The following MYOM2 variants were observed in gnomAD, a reference collection of about 807,000 sequenced individuals.
MYOM2 encodes myomesin-2.
MYOM2 carries 254 observed loss-of-function variants against 187.6 expected under a neutral mutation model. The ratio of observed to expected loss-of-function variants is 1.35; its 90% CI spans 1.22 to 1.50. The LOEUF is 1.50. Ranked by LOEUF, MYOM2 falls within the 40% of genes most tolerant of loss-of-function variation. MYOM2 has a pLI of 0.00. For synonymous variants in MYOM2, 981 were observed against 753.8 expected (o/e 1.30, Z -4.94); for missense variants, 2,796 against 1,924.0 (o/e 1.45, Z -8.48).
At chr8:2,086,494 C>CT (rs1796074873) in intron 14 of MYOM2, among the ~76,000 whole-genome samples, 6 of 133,022 alleles carry the variant, frequency 4.5e-5, no homozygotes, top group East Asian at 2.1e-4. Context: ...TCTGTGTGGC[C>CT]CCCCACTGTC....
intron 18 of MYOM2, among the ~76,000 whole-genome samples, chr8:2,096,829 C>G (rs567447067): frequency 3.3e-5 from 5 of 152,290 alleles, no homozygotes; most frequent in African/African-American, 9.6e-5. Context: ...AATGTTGGCT[C>G]TCTGCTTGTC....
Position 2,085,359 on chromosome 8 carries a change from G to A in MYOM2, c.1613G>A (p.Gly538Asp), listed in dbSNP as rs774736990. 1 of 1,613,544 alleles carries A rather than the reference G, an allele frequency of 6.2e-7. No individual in the cohort carries two copies. The highest frequency in any genetic ancestry group is 1.1e-5 in the South Asian group (1 of 91,054). Residue 538 changes from glycine to aspartate, a missense_variant, in exon 14 of 37, where the codon GGC (glycine) becomes GAC (aspartate). Coordinates refer to ENST00000262113, the MANE Select transcript of MYOM2 (RefSeq NM_003970.4). ...AGCTGGGAGCCACCCACTCCCCGTG[G>A]CAAGGACCCGCTCATGTACTTCATT... is the stretch of plus-strand genomic sequence containing the variant. ...VLSWEPPTPR[G>D]KDPLMYFIEK...
At position 2,077,349 on chromosome 8, in the gene MYOM2, A is replaced by C. The variant is rs60272090; in HGVS notation, c.1262+1067A>C. Among the ~76,000 whole-genome samples, 1,052 of 152,202 alleles carry C rather than the reference A, an allele frequency of 6.9e-3. 15 individuals are homozygous for C. Among genetic ancestry groups the C allele is most frequent in the African/African-American group, 0.024 (1,006 of 41,508 alleles). On this transcript the variant is annotated intron_variant, in intron 11 of 36. Transcript: ENST00000262113. The stretch of plus-strand genomic sequence containing the variant: ...AAAACAAAAAACAAAAAAACAAAAC[A>C]AAAAAACCACAAAGGATGGTTCCTG...
At chr8:2,107,151 C>T (rs1184687559) in intron 23 of MYOM2, among the ~76,000 whole-genome samples, 1 of 152,130 alleles carries the variant, frequency 6.6e-6, no homozygotes, top group Non-Finnish European at 1.5e-5. Flanking sequence ...TCACCAGGCA[C>T]ACAGTCTCAT....
At chr8:2,050,034 G>T (rs1818431490) in intron 1 of MYOM2, among the ~76,000 whole-genome samples, 1 of 152,114 alleles carries the variant, frequency 6.6e-6, no homozygotes, top group Non-Finnish European at 1.5e-5. Context: ...GATTCCAGGG[G>T]GCATCTCCAG....
intron 9 of MYOM2, among the ~76,000 whole-genome samples, chr8:2,072,828 G>A (rs920616982): frequency 2.0e-5 from 3 of 152,238 alleles, no homozygotes; most frequent in Admixed American, 6.5e-5. Context: ...CTGGTTAGCA[G>A]CTTGTGTACT....
chr8:2,051,431 C>G (rs1818481621), intron 2 of MYOM2, among the ~76,000 whole-genome samples: 1 of 152,114 alleles, frequency 6.6e-6, no homozygotes, highest in African/African-American at 2.4e-5. Context: ...GTTTGTGTAG[C>G]AGCAAATCTG....
At chr8:2,088,555 G>C (rs1796177463) in intron 14 of MYOM2, among the ~76,000 whole-genome samples, 2 of 152,218 alleles carry the variant, frequency 1.3e-5, no homozygotes, top group African/African-American at 2.4e-5. Context: ...AATTCACTTA[G>C]GATAACAGCC....
chr8:2,109,300 T>A, intron 24 of MYOM2, 95 bp from the exon 25 acceptor site: 2 of 1,362,222 alleles, frequency 1.5e-6, no homozygotes, highest in Non-Finnish European at 2.0e-6. Context: ...CTCAAAAATC[T>A]AATAACTAGG....
In MYOM2 at chr8:2,106,344, C is replaced by A. The variant is rs1480739884; in HGVS notation, c.2837C>A (p.Ser946Tyr). Reference protein sequence around the residue: ...TDASQFTWCKSYEEISDDERF... With the variant: ...TDASQFTWCKYYEEISDDERF... ...GCGTCTCAGTTCACCTGGTGTAAAT[C>A]CTACGAGGAGATTTCAGATGATGAG... The change falls in exon 22 of 37, where the codon TCC becomes TAC. Residue 946 changes from serine to tyrosine, a missense_variant. Transcript: ENST00000262113. The A allele has an allele frequency of 3.1e-6, 5 of 1,614,146 alleles. No individual in the cohort carries two copies. The South Asian group carries it at 4.4e-5, about 14-fold the overall frequency.
intron 3 of MYOM2, 110 bp from the exon 4 acceptor site, chr8:2,057,238 G>T (rs1291914511): frequency 8.0e-7 from 1 of 1,254,564 alleles, no homozygotes. Flanking sequence ...CTTCTTGAAC[G>T]CACTTAAGGA....
At chr8:2,065,094 C>G (rs564121160) in intron 6 of MYOM2, among the ~76,000 whole-genome samples, 1 of 152,302 alleles carries the variant, frequency 6.6e-6, no homozygotes, top group African/African-American at 2.4e-5. Flanking sequence ...TTTTCAAGTA[C>G]ATTGTTTTAT....
Position 2,085,365 on chromosome 8 carries a change from A to T in MYOM2, c.1619A>T (p.Asp540Val), listed in dbSNP as rs760507288. The change falls in exon 14 of 37, where the codon GAC (aspartate) becomes GTC (valine). Residue 540 changes from aspartate (D) to valine (V), a missense_variant. By Grantham distance (152) the Asp-to-Val change is radical. Coordinates refer to ENST00000262113, the MANE Select transcript of MYOM2 (RefSeq NM_003970.4). ...SWEPPTPRGK[D>V]PLMYFIEKSV... ...GAGCCACCCACTCCCCGTGGCAAGG[A>T]CCCGCTCATGTACTTCATTGAGAAG... 1.2e-6 allele frequency: 2 copies of T among 1,612,768 alleles called. No homozygotes were observed. Among genetic ancestry groups the T allele is most frequent in the Non-Finnish European group, 8.5e-7 (1 of 1,179,640 alleles).
intron 32 of MYOM2, among the ~76,000 whole-genome samples, chr8:2,132,521 A>T (rs1488206658): frequency 6.6e-6 from 1 of 152,198 alleles, no homozygotes; most frequent in Non-Finnish European, 1.5e-5. Flanking sequence ...CAAAGTCTGA[A>T]CATATTGACC....
chr8:2,124,511 T>C (rs1195180468), intron 31 of MYOM2, among the ~76,000 whole-genome samples: 1 of 152,232 alleles, frequency 6.6e-6, no homozygotes, highest in African/African-American at 2.4e-5. Flanking sequence ...TTGTATATAA[T>C]TGCTATGAGC....
chr8:2,124,326 G>A (rs1311382710), intron 31 of MYOM2, 109 bp downstream of exon 31: 2 of 1,128,942 alleles, frequency 1.8e-6, no homozygotes, highest in Admixed American at 2.1e-5. Flanking sequence ...TGTGGTGCGT[G>A]TTCTGTGGGA....
rs563395992 is a variant in MYOM2 at position 2,092,070 on chromosome 8, G to T, written c.1829-276G>T. 4.4e-4 allele frequency among the ~76,000 whole-genome samples: 18 copies of T among 40,574 alleles called. No homozygotes were observed. The South Asian group carries it at 0.015, about 34-fold the overall frequency. 26.6% of individuals were successfully genotyped at this position (40,574 alleles called of 152,430 possible). The stretch of plus-strand genomic sequence containing the variant: ...CTGCCAACAGAGAGTCTTTTAAACA[G>T]CTCTGATGGGAGACAGGAGGATTCA... On this transcript the variant is annotated intron_variant, in intron 15 of 36. Transcript: ENST00000262113.
intron 21 of MYOM2, among the ~76,000 whole-genome samples, chr8:2,103,574 A>G (rs1796790234): frequency 6.6e-6 from 1 of 150,564 alleles, no homozygotes; most frequent in African/African-American, 2.5e-5. Flanking sequence ...TGAGTGGGAG[A>G]GTGTGCATGT....
In MYOM2 at chr8:2,140,714, C is replaced by G; in HGVS notation, c.3801-9C>G. 1 of 1,613,110 alleles carries G rather than the reference C, an allele frequency of 6.2e-7. No homozygotes were observed. Among genetic ancestry groups the G allele is most frequent in the East Asian group, 2.2e-5 (1 of 44,844 alleles). On this transcript the variant is annotated splice_polypyrimidine_tract_variant and intron_variant, in intron 32 of 36. Coordinates refer to ENST00000262113, the MANE Select transcript of MYOM2 (RefSeq NM_003970.4). ...CTAACTCAGATACGTTCCTGTTGCT[C>G]TTTTCAAGAGATGCTAAGATCTCAT...
Sources: gnomAD v4.1 joint callset for allele counts (sites outside exome capture counted in the v4.1 genomes callset) on GRCh38, gnomAD v4.1.1 for gene constraint, MANE v1.5 for transcripts, NCBI Gene and HGNC (gene_info 2026-07-23, HGNC 2026-07-21) for gene names.